Variants in ATAD3A observed in about 807,000 individuals in gnomAD.
The protein encoded by ATAD3A is ATPase family AAA domain containing 3A, also known as ATPase family AAA domain-containing protein 3A.
ATAD3A carries 46 observed loss-of-function variants against 73.8 expected under a neutral mutation model. That is an observed-to-expected ratio of 0.62 (90% CI 0.49 to 0.80). The LOEUF is 0.80. ATAD3A is among the 30% of genes least tolerant of loss of function. The pLI is 0.00. For synonymous variants in ATAD3A, 319 were observed against 350.0 expected, an observed-to-expected ratio of 0.91 and a Z score of 0.99; for missense variants, 705 against 838.0, an observed-to-expected ratio of 0.84 and a Z score of 1.96.
At chr1:1,533,126 C>T (rs1340082631) in intron 15 of ATAD3A, among the ~76,000 whole-genome samples, 1 of 152,182 alleles carries the variant, frequency 6.6e-6, no homozygotes, top group East Asian at 1.9e-4. Context: ...GAGATGAATC[C>T]TGCCTCTGGG....
chr1:1,530,604 C>A (rs1311932985), intron 15 of ATAD3A, among the ~76,000 whole-genome samples: 64 of 111,924 alleles, frequency 5.7e-4, no homozygotes, highest in Middle Eastern at 4.0e-3. Flanking sequence ...CCGAGGCGGG[C>A]GGATCACGAG....
intron 12 of ATAD3A, among the ~76,000 whole-genome samples, chr1:1,525,820 C>G (rs865964848): frequency 2.6e-5 from 4 of 152,184 alleles, no homozygotes; most frequent in African/African-American, 7.2e-5. Flanking sequence ...ATCCTCCTGC[C>G]TCAGCCGCCT....
intron 1 of ATAD3A, among the ~76,000 whole-genome samples, chr1:1,513,465 G>C (rs1000711857): frequency 6.6e-6 from 1 of 150,856 alleles, no homozygotes; most frequent in African/African-American, 2.4e-5. Context: ...TGGCGGCCCC[G>C]GAGCTCCTGA....
chr1:1,519,910 C>T (rs1234928945), intron 5 of ATAD3A, among the ~76,000 whole-genome samples: 2 of 152,250 alleles, frequency 1.3e-5, no homozygotes, highest in African/African-American at 2.4e-5. Context: ...TGTCCGTGGC[C>T]TTAGCCTATT....
chr1:1,518,541 T>C (rs10159041), intron 4 of ATAD3A, among the ~76,000 whole-genome samples: 29,322 of 89,572 alleles, frequency 0.33, 5,819 homozygotes, highest in African/African-American at 0.63. Context: ...CACACACACA[T>C]ACGGGCACAC....
Position 1,526,505 on chromosome 1 carries a change from G to C in ATAD3A, c.1311G>C (p.Leu437=), listed in dbSNP as rs1570349153. ...EDLRATLNAF[L]YRTGQHSNKF... is the part of the protein sequence containing the mutation. ...TCAGGGCCACACTGAACGCCTTCCT[G>C]TACCGCACGGGCCAGCACAGCAACA... Residue 437 remains leucine (L), a synonymous_variant, in exon 13 of 16, where the codon CTG becomes CTC. Coordinates refer to ENST00000378756, the MANE Select transcript of ATAD3A (RefSeq NM_001170535.3). The C allele has an allele frequency of 6.2e-7, 1 of 1,612,712 alleles. No individual in the cohort carries two copies. Among genetic ancestry groups the C allele is most frequent in the African/African-American group, 1.3e-5 (1 of 75,040 alleles).
chr1:1,525,851 G>A (rs1641818663), intron 12 of ATAD3A, among the ~76,000 whole-genome samples: 1 of 152,150 alleles, frequency 6.6e-6, no homozygotes, highest in Non-Finnish European at 1.5e-5. Flanking sequence ...GACTGCAGGG[G>A]CACAGTGGAA....
chr1:1,527,150 G>C (rs1474478264), intron 13 of ATAD3A: 2 of 1,301,672 alleles, frequency 1.5e-6, no homozygotes, highest in Non-Finnish European at 2.0e-6. Flanking sequence ...TGGTCTCCTG[G>C]GCCCCTCCAG....
intron 15 of ATAD3A, among the ~76,000 whole-genome samples, chr1:1,530,800 G>T (rs1172847313): frequency 1.2e-5 from 1 of 86,678 alleles, no homozygotes; most frequent in African/African-American, 1.5e-4. Flanking sequence ...CTGCACTCCA[G>T]CCTGGGCGAC....
intron 4 of ATAD3A, 49 bp from the exon 5 acceptor site, chr1:1,518,872 C>T (rs757541501): frequency 6.2e-6 from 10 of 1,613,966 alleles, no homozygotes; most frequent in African/African-American, 1.3e-5. Context: ...CACATGGGCA[C>T]AGTCACAGGT....
chr1:1,522,541 G>C (rs1264460904), intron 7 of ATAD3A, among the ~76,000 whole-genome samples: 1 of 152,226 alleles, frequency 6.6e-6, no homozygotes, highest in Non-Finnish European at 1.5e-5. Context: ...CCCTGAGTGA[G>C]GGCGCTGTGA....
rs142299242 is a variant in ATAD3A at position 1,523,545 on chromosome 1, C to T, written c.941C>T (p.Ala314Val). The T allele has an allele frequency of 3.9e-4, 630 of 1,612,946 alleles. No homozygotes were observed. Among genetic ancestry groups the T allele is most frequent in the Non-Finnish European group, 4.4e-4 (519 of 1,179,698 alleles). Residue 314 changes from alanine to valine, a missense_variant, in exon 9 of 16, where the codon GCG (alanine) becomes GTG (valine). By Grantham distance (64) the Ala-to-Val change is moderately conservative. Transcript: ENST00000378756. The surrounding 1 kb of genome is among the most constrained non-coding windows in gnomAD (Gnocchi z 5.1). Reference protein sequence around the residue: ...SRRLLSRPQDALEGVVLSPSL... With the variant: ...SRRLLSRPQDVLEGVVLSPSL... ...CGGCTCCTCAGTCGACCCCAGGACG[C>T]GCTGGAGGGTGTTGTGCTCAGTGTA... is the stretch of plus-strand genomic sequence containing the variant.
Position 1,518,823 on chromosome 1 carries a change from C to G in ATAD3A, c.445-98C>G, listed in dbSNP as rs1033425558. 11 of 1,602,912 alleles carry G rather than the reference C, an allele frequency of 6.9e-6. No homozygotes were observed. The African/African-American group carries it at 1.4e-4, about 20-fold the overall frequency. On this transcript the variant is annotated intron_variant, in intron 4 of 15. Transcript: ENST00000378756. ...CCGTCACACCCCGCAAACGGGCACA[C>G]TCACCCCCCTGCACACTCGGGCACA...
chr1:1,527,728 G>T lies in ATAD3A; in HGVS notation c.1371G>T (p.Glu457Asp). The T allele has an allele frequency of 6.2e-7, 1 of 1,613,742 alleles. No individual in the cohort carries two copies. The highest frequency in any genetic ancestry group is 8.5e-7 in the Non-Finnish European group (1 of 1,179,876). Residue 457 changes from glutamate to aspartate, a missense_variant, in exon 14 of 16, where the codon GAG (glutamate) becomes GAT (aspartate). Transcript: ENST00000378756. ...TGGTCCTGGCCAGCAACCAACCAGA[G>T]CAGTTCGACTGGGCCATCAATGACC... ...FMLVLASNQPEQFDWAINDRI... is the reference protein window; with the variant it reads ...FMLVLASNQPDQFDWAINDRI...
chr1:1,517,073 G>T, intron 2 of ATAD3A: 1 of 1,510,688 alleles, frequency 6.6e-7, no homozygotes, highest in Non-Finnish European at 8.9e-7. Flanking sequence ...AAAAGGGGGT[G>T]TCCGGCCTCC....
intron 1 of ATAD3A, among the ~76,000 whole-genome samples, chr1:1,515,783 C>T (rs1404060081): frequency 6.6e-6 from 1 of 152,222 alleles, no homozygotes; most frequent in Non-Finnish European, 1.5e-5. Context: ...TGTGGCTCTC[C>T]AAGACCATCC....
chr1:1,527,998 C>T (rs1465689949), intron 14 of ATAD3A, 136 bp downstream of exon 14: 31 of 1,142,494 alleles, frequency 2.7e-5, no homozygotes, highest in Middle Eastern at 6.2e-4. Context: ...TCATTCTTGT[C>T]GCCCAGGCTG....
In ATAD3A at chr1:1,523,377, A is replaced by G. The variant is rs1166956780; in HGVS notation, c.907-134A>G. 1.4e-6 allele frequency: 2 copies of G among 1,431,288 alleles called. No homozygotes were observed. The highest frequency in any genetic ancestry group is 2.5e-5 in the East Asian group (1 of 40,036). 88.7% of individuals were successfully genotyped at this position (1,431,288 alleles called of 1,614,324 possible). A position where few individuals can be genotyped will look rare whatever the true frequency, so the allele number is the denominator to read the frequency against. ...TGGTCTCCGGGCGGGGCAGGGTTCC[A>G]GCTCCGGGCCGGTCCTGGCTGTGCT... On this transcript the variant is annotated intron_variant, in intron 8 of 15. Transcript: ENST00000378756. The surrounding 1 kb of genome is among the most constrained non-coding windows in gnomAD (Gnocchi z 5.1).
intron 4 of ATAD3A, among the ~76,000 whole-genome samples, chr1:1,518,098 C>T (rs1311875641): frequency 4.6e-5 from 7 of 151,496 alleles, no homozygotes; most frequent in African/African-American, 1.5e-4. Flanking sequence ...CACACGGGCC[C>T]ACACACAGAC....
Sources: gnomAD v4.1 joint callset for allele counts (sites outside exome capture counted in the v4.1 genomes callset) on GRCh38, gnomAD v4.1.1 for gene constraint, Gnocchi (gnomAD v3.1) non-coding constraint, MANE v1.5 for transcripts, NCBI Gene and HGNC (gene_info 2026-07-23, HGNC 2026-07-21) for gene names.